Variants in KIF26A observed in about 807,000 individuals in gnomAD.
The protein encoded by KIF26A is kinesin-like protein KIF26A.
A neutral mutation model predicts 126.0 loss-of-function variants in KIF26A; 74 were observed. The ratio of observed to expected loss-of-function variants is 0.59; its 90% CI spans 0.49 to 0.71. The LOEUF (loss-of-function observed/expected upper bound fraction) is 0.71, where lower values mean the gene tolerates loss of function less well. Among genes scored for constraint, KIF26A ranks in the 30% least tolerant of loss-of-function variants. The pLI is 0.00. For synonymous variants in KIF26A, 1,445 were observed against 1,232.7 expected (o/e 1.17, Z -3.61); for missense variants, 2,984 against 2,763.3 (o/e 1.08, Z -1.79).
In KIF26A at chr14:104,177,289, C is replaced by G. The variant is rs547130554; in HGVS notation, c.4501C>G (p.Arg1501Gly). ...GCCCCCTGTTGGTGGAGGCAAGGGC[C>G]GTGGCCTAGTGGCTGGTGGGTCGCG... ...PKPPVGGGKG[R>G]GLVAGGSRAL... Residue 1501 changes from arginine to glycine, a missense_variant, in exon 12 of 15, where the codon CGT becomes GGT. Transcript: ENST00000423312. 71 of 1,582,846 alleles carry G rather than the reference C, an allele frequency of 4.5e-5. No homozygotes were observed. Among genetic ancestry groups the G allele is most frequent in the Non-Finnish European group, 5.6e-5 (65 of 1,167,808 alleles).
At chr14:104,163,492 C>T (rs1388231049) in intron 4 of KIF26A, among the ~76,000 whole-genome samples, 1 of 152,096 alleles carries the variant, frequency 6.6e-6, no homozygotes, top group East Asian at 2.0e-4. Flanking sequence ...GTGAGGTTTA[C>T]AGAGACGAGG....
chr14:104,164,967 A>C (rs970419272), intron 4 of KIF26A, among the ~76,000 whole-genome samples: 1 of 142,064 alleles, frequency 7.0e-6, no homozygotes, highest in Admixed American at 7.0e-5. Flanking sequence ...ATGTGTCTCT[A>C]TGTGTGCGTC....
Position 104,152,321 on chromosome 14 carries a change from C to A in KIF26A, c.595C>A (p.Pro199Thr). ...PDRTKGLAWS[P>T]GPSVQVSVAP... ...CAGGACCAAGGGGCTGGCCTGGTCC[C>A]CCGGGCCCAGTGTCCAGGTGTCTGT... The change falls in exon 3 of 15, where the codon CCC becomes ACC. Residue 199 changes from proline (P) to threonine (T), a missense_variant. By Grantham distance (38) the Pro-to-Thr change is conservative (BLOSUM62 -1). Transcript: ENST00000423312. The surrounding 1 kb of genome is among the most constrained non-coding windows in gnomAD (Gnocchi z 5.9). 6.3e-7 allele frequency: 1 copy of A among 1,580,396 alleles called. No homozygotes were observed. The highest frequency in any genetic ancestry group is 2.3e-5 in the East Asian group (1 of 43,138).
Position 104,171,918 on chromosome 14 carries a change from C to T in KIF26A, c.1309C>T (p.Pro437Ser). ...GATGTTTGCCTTCGATGCCGTCTTC[C>T]CCCAGGACTCCGAGCAGGTACGGGC... is the stretch of plus-strand genomic sequence containing the variant. ...PKMFAFDAVF[P>S]QDSEQAEVCS... is the part of the protein sequence containing the mutation. The change falls in exon 6 of 15, where the codon CCC becomes TCC. Residue 437 changes from proline to serine, a missense_variant. Pro to Ser is a moderately conservative substitution (Grantham distance 74, BLOSUM62 -1). Transcript: ENST00000423312. The T allele has an allele frequency of 1.9e-6, 3 of 1,553,914 alleles. No homozygotes were observed. In the South Asian group the frequency reaches 3.6e-5, roughly 18 times the overall value.
chr14:104,146,828 C>T (rs575566893), intron 2 of KIF26A, among the ~76,000 whole-genome samples: 1 of 152,216 alleles, frequency 6.6e-6, no homozygotes, highest in South Asian at 2.1e-4. Flanking sequence ...ACGTGGAGAC[C>T]GCCACGGGGC....
At position 104,176,987 on chromosome 14, in the gene KIF26A, A is replaced by C. The variant is rs1198170681; in HGVS notation, c.4199A>C (p.Glu1400Ala). The C allele has an allele frequency of 1.3e-6, 2 of 1,540,706 alleles. No individual in the cohort carries two copies. Among genetic ancestry groups the C allele is most frequent in the South Asian group, 2.4e-5 (2 of 84,420 alleles). The part of the protein sequence containing the change: ...VGAAAVLRGE[E>A]EPRPSSRADH... ...GCTGCTGCTGTCCTTCGAGGGGAGGAGGAGCCCAGACCCAGCAGCCGGGCT... is the reference window on the plus strand; with the variant it reads ...GCTGCTGCTGTCCTTCGAGGGGAGGCGGAGCCCAGACCCAGCAGCCGGGCT... Residue 1400 changes from glutamate (E) to alanine (A), a missense_variant, in exon 12 of 15, where the codon GAG (glutamate) becomes GCG (alanine). Coordinates refer to ENST00000423312, the MANE Select transcript of KIF26A (RefSeq NM_015656.2).
Position 104,138,706 on chromosome 14 carries a change from C to T in KIF26A, c.-17C>T, listed in dbSNP as rs2037607036. The T allele has an allele frequency of 3.2e-6, 4 of 1,268,506 alleles. No individual in the cohort carries two copies. Among genetic ancestry groups the T allele is most frequent in the Non-Finnish European group, 4.0e-6 (4 of 1,007,588 alleles). The allele number at this position is 1,268,506 out of a possible 1,614,324, so 78.6% of individuals were successfully genotyped here. On this transcript the variant is annotated 5_prime_UTR_variant, in exon 1 of 15. Coordinates refer to ENST00000423312, the MANE Select transcript of KIF26A (RefSeq NM_015656.2). The stretch of plus-strand genomic sequence containing the variant: ...CGTGGCCGGGAGCGCCTGCCGGGCT[C>T]TTCCCGCGCCCCGGCCATGGTCGGC...
chr14:104,150,159 C>G (rs1409523616), intron 2 of KIF26A, among the ~76,000 whole-genome samples: 3 of 119,374 alleles, frequency 2.5e-5, no homozygotes, highest in Non-Finnish European at 5.5e-5. Context: ...TCCTCCTCCT[C>G]CCCCTTCCCC....
chr14:104,160,810 G>T (rs929910094), intron 4 of KIF26A, among the ~76,000 whole-genome samples: 1 of 152,210 alleles, frequency 6.6e-6, no homozygotes, highest in Non-Finnish European at 1.5e-5. Context: ...TGGTATGGGG[G>T]TCCCCTCCAA....
chr14:104,158,982 C>T (rs1261669267), intron 4 of KIF26A, among the ~76,000 whole-genome samples: 1 of 152,234 alleles, frequency 6.6e-6, no homozygotes, highest in East Asian at 1.9e-4. Flanking sequence ...CACCCAGCGG[C>T]CAGAGACGAG....
intron 11 of KIF26A, 71 bp downstream of exon 11, chr14:104,174,381 G>A: frequency 7.1e-7 from 1 of 1,403,190 alleles, no homozygotes; most frequent in South Asian, 1.5e-5. Flanking sequence ...GGCCTCTGCT[G>A]GCCTGGTTGG....
rs1181590286 is a variant in KIF26A at position 104,148,119 on chromosome 14, G to T, written c.289-3896G>T. 1.3e-5 allele frequency among the ~76,000 whole-genome samples: 2 copies of T among 152,192 alleles called. No individual in the cohort carries two copies. Among genetic ancestry groups the T allele is most frequent in the Admixed American group, 6.5e-5 (1 of 15,286 alleles). ...GGGAGACTTCTCTCCTGCAGTGACG[G>T]GGAGCGGGGAGTCCCCGGTAAAGTC... On this transcript the variant is annotated intron_variant, in intron 2 of 14. Transcript: ENST00000423312. The surrounding 1 kb of genome is among the most constrained non-coding windows in gnomAD (Gnocchi z 4.3).
At chr14:104,174,636 C>T (rs1453086211) in intron 11 of KIF26A, among the ~76,000 whole-genome samples, 1 of 152,116 alleles carries the variant, frequency 6.6e-6, no homozygotes, top group Non-Finnish European at 1.5e-5. Context: ...TCCTAGGGAC[C>T]CCTCTCTGGG....
chr14:104,166,178 G>GCAGGGGCC lies in KIF26A; in HGVS notation c.924-676_924-669dup, dbSNP rs1555389006. On this transcript the variant is annotated intron_variant, in intron 4 of 14. Transcript: ENST00000423312. ...CCAGCAGCCCTGAGTGACGAGGGTG[G>GCAGGGGCC]CAGGGGCCCAGGAGCTGGGCAGTGG... 2.6e-3 allele frequency among the ~76,000 whole-genome samples: 367 copies of GCAGGGGCC among 138,582 alleles called. 1 individual carries two copies. Among genetic ancestry groups the GCAGGGGCC allele is most frequent in the African/African-American group, 8.0e-3 (287 of 35,794 alleles). The allele number at this position is 138,582 out of a possible 152,430, so 90.9% of individuals were successfully genotyped here. A position where few individuals can be genotyped will look rare whatever the true frequency, so the allele number is the denominator to read the frequency against.
rs1316916288 is a variant in KIF26A at position 104,177,726 on chromosome 14, C to A, written c.4938C>A (p.Gly1646=). ...GTGGAGAGCTGCCGCCCGCCATGGG[C>A]CGCACCGCCCTTTTCCACCACAGCG... ...VLSGELPPAM[G]RTALFHHSGG... The change falls in exon 12 of 15, where the codon GGC becomes GGA. Residue 1646 remains glycine, a synonymous_variant. Coordinates refer to ENST00000423312, the MANE Select transcript of KIF26A (RefSeq NM_015656.2). 1.3e-6 allele frequency: 2 copies of A among 1,538,106 alleles called. No individual in the cohort carries two copies. The highest frequency in any genetic ancestry group is 2.7e-5 in the African/African-American group (2 of 73,028).
chr14:104,150,622 G>A (rs918148936), intron 2 of KIF26A, among the ~76,000 whole-genome samples: 2 of 152,006 alleles, frequency 1.3e-5, no homozygotes, highest in Admixed American at 1.3e-4. Context: ...CCCCCTCCCC[G>A]GGATAATGGG....
At chr14:104,163,721 G>A (rs1055478259) in intron 4 of KIF26A, among the ~76,000 whole-genome samples, 1 of 151,752 alleles carries the variant, frequency 6.6e-6, no homozygotes, top group Non-Finnish European at 1.5e-5. Flanking sequence ...GGGCGGCCAT[G>A]GGCCCCGACC....
rs1250546668 is a variant in KIF26A, at chr14:104,177,477, T to A, written c.4689T>A (p.Ala1563=). The A allele has an allele frequency of 6.5e-7, 1 of 1,532,896 alleles. No individual in the cohort carries two copies. The highest frequency in any genetic ancestry group is 8.7e-7 in the Non-Finnish European group (1 of 1,145,284). The allele number at this position is 1,532,896 out of a possible 1,614,324, so 95.0% of individuals were successfully genotyped here. A position where few individuals can be genotyped will look rare whatever the true frequency, so the allele number is the denominator to read the frequency against. The change falls in exon 12 of 15, where the codon GCT becomes GCA. Residue 1563 remains alanine, a synonymous_variant. Coordinates refer to ENST00000423312, the MANE Select transcript of KIF26A (RefSeq NM_015656.2). ...VMGTKQALRA[A]HSRVHELSAS... ...GCACAAAGCAGGCGCTCCGGGCTGCTCACAGCCGCGTCCATGAGCTGTCAG... is the reference window on the plus strand; with the variant it reads ...GCACAAAGCAGGCGCTCCGGGCTGCACACAGCCGCGTCCATGAGCTGTCAG...
intron 5 of KIF26A, 70 bp from the exon 6 acceptor site, chr14:104,171,653 C>T (rs563884589): frequency 2.9e-6 from 4 of 1,357,368 alleles, no homozygotes; most frequent in Non-Finnish European, 4.0e-6. Flanking sequence ...GAGCTGGGCC[C>T]CTCCTGCCCT....
Sources: gnomAD v4.1 joint callset for allele counts (sites outside exome capture counted in the v4.1 genomes callset) on GRCh38, gnomAD v4.1.1 for gene constraint, Gnocchi (gnomAD v3.1) non-coding constraint, MANE v1.5 for transcripts, NCBI Gene and HGNC (gene_info 2026-07-23, HGNC 2026-07-21) for gene names.